Variants in MYL1 observed in about 807,000 individuals in gnomAD.
MYL1 encodes myosin light chain 1/3, skeletal muscle isoform.
Under a neutral mutation model 21.8 loss-of-function variants are expected in MYL1, and 16 were observed. That is an observed-to-expected ratio of 0.74 (90% CI 0.50 to 1.12). The LOEUF (loss-of-function observed/expected upper bound fraction) is 1.12. Ranked by LOEUF, MYL1 falls within the 50% of genes most tolerant of loss-of-function variation. The pLI is 0.00. For synonymous variants in MYL1, 99 were observed against 85.2 expected, an observed-to-expected ratio of 1.16 and a Z score of -0.89; for missense variants, 246 against 241.0, an observed-to-expected ratio of 1.02 and a Z score of -0.14.
intron 1 of MYL1, among the ~76,000 whole-genome samples, chr2:210,314,553 C>A (rs1189546393): frequency 2.6e-5 from 4 of 152,130 alleles, no homozygotes; most frequent in African/African-American, 9.7e-5. Context: ...AGTAAGGGAT[C>A]TGGTTTCCAG....
At chr2:210,290,951 G>T in intron 6 of MYL1, 81 bp downstream of exon 6, 1 of 804,048 alleles carries the variant, frequency 1.2e-6, no homozygotes, top group Non-Finnish European at 2.0e-6. Flanking sequence ...TTAATCTATA[G>T]CATATAAACT....
At chr2:210,307,061 T>C (rs1690349743) in intron 1 of MYL1, among the ~76,000 whole-genome samples, 1 of 152,192 alleles carries the variant, frequency 6.6e-6, no homozygotes. Flanking sequence ...AGAAATTAAA[T>C]ATGCAACAAG....
chr2:210,313,994 A>C (rs1690453769), intron 1 of MYL1, among the ~76,000 whole-genome samples: 2 of 152,106 alleles, frequency 1.3e-5, no homozygotes, highest in South Asian at 4.1e-4. Context: ...TTCAAGTTGT[A>C]ATATGAGCCA....
At chr2:210,302,344 G>T (rs1690276375) in intron 2 of MYL1, 144 bp downstream of exon 2, 1 of 633,334 alleles carries the variant, frequency 1.6e-6, no homozygotes, top group Non-Finnish European at 2.5e-6. Flanking sequence ...TTTATATTTA[G>T]AGTGATCGAG....
chr2:210,309,163 T>C (rs1322137577), intron 1 of MYL1, among the ~76,000 whole-genome samples: 1 of 152,144 alleles, frequency 6.6e-6, no homozygotes, highest in Non-Finnish European at 1.5e-5. Flanking sequence ...TCTACAATGT[T>C]GTGAGTTTTC....
At chr2:210,312,810 T>G (rs746398679) in intron 1 of MYL1, among the ~76,000 whole-genome samples, 6 of 151,932 alleles carry the variant, frequency 3.9e-5, no homozygotes, top group Non-Finnish European at 5.9e-5. Flanking sequence ...TCTCTTGTTC[T>G]GCAATGAAAT....
intron 3 of MYL1, among the ~76,000 whole-genome samples, chr2:210,297,925 A>G (rs1690202582): frequency 6.6e-6 from 1 of 152,096 alleles, no homozygotes; most frequent in African/African-American, 2.4e-5. Context: ...GAACTTCTCT[A>G]GAACTGTGCC....
intron 3 of MYL1, among the ~76,000 whole-genome samples, chr2:210,296,157 T>G (rs1690171664): frequency 6.6e-6 from 1 of 152,188 alleles, no homozygotes; most frequent in Non-Finnish European, 1.5e-5. Flanking sequence ...AAAATTATTT[T>G]CGATTGACAC....
intron 3 of MYL1, among the ~76,000 whole-genome samples, chr2:210,297,254 C>T (rs2125740032): frequency 6.6e-6 from 1 of 151,932 alleles, no homozygotes; most frequent in African/African-American, 2.4e-5. Flanking sequence ...GTACTATTTT[C>T]CACAATGGTT....
rs371139173 is a variant in MYL1 at position 210,298,582 on chromosome 2, A to G, written c.161-19T>C. 1 of 1,613,566 alleles carries G rather than the reference A, an allele frequency of 6.2e-7. No homozygotes were observed. The highest frequency in any genetic ancestry group is 2.2e-5 in the East Asian group (1 of 44,850). On this transcript the variant is annotated intron_variant, in intron 2 of 6. Coordinates refer to ENST00000352451, the MANE Select transcript of MYL1 (RefSeq NM_079420.3). ...TTGAATTCTGCAAAAAGCAAGAAGC[A>G]TTAGAGTGCTCTTTTCTTCCTCTAA...
intron 1 of MYL1, among the ~76,000 whole-genome samples, chr2:210,303,118 T>G (rs1406974267): frequency 6.6e-6 from 1 of 152,182 alleles, no homozygotes; most frequent in African/African-American, 2.4e-5. Flanking sequence ...AAGACTACCT[T>G]AAGTCTGTCT....
chr2:210,304,230 C>T (rs1289797370), intron 1 of MYL1, among the ~76,000 whole-genome samples: 1 of 152,192 alleles, frequency 6.6e-6, no homozygotes, highest in African/African-American at 2.4e-5. Context: ...TTTTGATCTC[C>T]GCTTTTCATC....
chr2:210,311,642 T>C (rs577447531), intron 1 of MYL1, among the ~76,000 whole-genome samples: 1 of 151,984 alleles, frequency 6.6e-6, no homozygotes, highest in Non-Finnish European at 1.5e-5. Flanking sequence ...CACTTACACA[T>C]TGAAGATCTA....
chr2:210,308,114 A>G (rs943950562), intron 1 of MYL1, among the ~76,000 whole-genome samples: 2 of 151,992 alleles, frequency 1.3e-5, no homozygotes, highest in African/African-American at 4.8e-5. Context: ...AGAAAGGCTA[A>G]ATAAAGAAGC....
chr2:210,303,509 A>G (rs1690294991), intron 1 of MYL1: 3 of 1,599,870 alleles, frequency 1.9e-6, no homozygotes, highest in Non-Finnish European at 1.7e-6. Flanking sequence ...ATTTTCTCCT[A>G]TAAATGACAA....
At chr2:210,291,189 C>A in intron 5 of MYL1, 115 bp from the exon 6 acceptor site, 1 of 815,262 alleles carries the variant, frequency 1.2e-6, no homozygotes, top group South Asian at 1.7e-5. Flanking sequence ...ACAATAGTTT[C>A]TTTTCTTTTG....
intron 1 of MYL1, among the ~76,000 whole-genome samples, chr2:210,312,593 C>T (rs1690431792): frequency 1.3e-5 from 2 of 151,778 alleles, no homozygotes; most frequent in Non-Finnish European, 3.0e-5. Flanking sequence ...TCTAAATATG[C>T]ACTGATTTAT....
At position 210,315,118 on chromosome 2, in the gene MYL1, G is replaced by A. The variant is rs923525253; in HGVS notation, c.-76C>T. On this transcript the variant is annotated 5_prime_UTR_variant, in exon 1 of 7. Coordinates refer to ENST00000352451, the MANE Select transcript of MYL1 (RefSeq NM_079420.3). ...ACCTGTCAAAATGATTCTTGGAAGAGGAGTGGTGGTTGGGTTGATCCACAG... is the reference window on the plus strand; with the variant it reads ...ACCTGTCAAAATGATTCTTGGAAGAAGAGTGGTGGTTGGGTTGATCCACAG... 1.8e-5 allele frequency: 28 copies of A among 1,559,220 alleles called. No homozygotes were observed. The Admixed American group carries it at 2.9e-4, about 16-fold the overall frequency.
At chr2:210,311,774 T>C (rs1690423080) in intron 1 of MYL1, among the ~76,000 whole-genome samples, 1 of 152,090 alleles carries the variant, frequency 6.6e-6, no homozygotes, top group Non-Finnish European at 1.5e-5. Flanking sequence ...TTCCTGTAAC[T>C]GTGATTCTCT....
Sources: gnomAD v4.1 joint callset for allele counts (sites outside exome capture counted in the v4.1 genomes callset) on GRCh38, gnomAD v4.1.1 for gene constraint, MANE v1.5 for transcripts, NCBI Gene and HGNC (gene_info 2026-07-23, HGNC 2026-07-21) for gene names.